CDH23: variants seen among roughly 807,000 people sequenced by gnomAD.
CDH23 encodes cadherin related 23, also known as cadherin-23.
A neutral mutation model predicts 317.1 loss-of-function variants in CDH23; 189 were observed. The observed-to-expected ratio is 0.60, with a 90% CI of 0.53 to 0.67. The LOEUF (loss-of-function observed/expected upper bound fraction) is 0.67. CDH23 is among the 30% of genes least tolerant of loss of function. The pLI is 0.00. For synonymous variants in CDH23, 1,839 were observed against 1,876.8 expected, an observed-to-expected ratio of 0.98 and a Z score of 0.52; for missense variants, 4,401 against 4,592.4, an observed-to-expected ratio of 0.96 and a Z score of 1.20.
chr10:71,699,928 C>G (rs773899991), intron 22 of CDH23, among the ~76,000 whole-genome samples: 4 of 152,182 alleles, frequency 2.6e-5, no homozygotes, highest in Non-Finnish European at 4.4e-5. Flanking sequence ...TACCCTGGCA[C>G]TCTCTGGCAT....
chr10:71,466,590 T>C (rs1161009064), intron 3 of CDH23, among the ~76,000 whole-genome samples: 1 of 152,186 alleles, frequency 6.6e-6, no homozygotes, highest in African/African-American at 2.4e-5. Context: ...GTGTCCATGC[T>C]CATGTGTATA....
rs1440321223 is a variant in CDH23, at chr10:71,446,363, C to T, written c.113C>T (p.Thr38Ile). The T allele has an allele frequency of 6.2e-7, 1 of 1,614,042 alleles. No homozygotes were observed. The highest frequency in any genetic ancestry group is 2.2e-5 in the East Asian group (1 of 44,886). The stretch of plus-strand genomic sequence containing the variant: ...TTCTTCACCAACCACTTCTTTGATA[C>T]ATACCTGCTGATCAGCGAGGACACG... ...LPFFTNHFFD[T>I]YLLISEDTPV... The change falls in exon 3 of 70, where the codon ACA becomes ATA. Residue 38 changes from threonine (T) to isoleucine (I), a missense_variant. By Grantham distance (89) the Thr-to-Ile change is moderately conservative (BLOSUM62 -1). This residue lies in a region of CDH23 where 3,068 missense variants were observed against 3,203.3 expected (regional missense o/e 0.96). Coordinates refer to ENST00000224721, the MANE Select transcript of CDH23 (RefSeq NM_022124.6).
chr10:71,536,559 T>C (rs1026989412), intron 6 of CDH23, among the ~76,000 whole-genome samples: 2 of 151,640 alleles, frequency 1.3e-5, no homozygotes, highest in African/African-American at 4.9e-5. Context: ...AGGAAATGAG[T>C]GGACAAGGCT....
intron 7 of CDH23, among the ~76,000 whole-genome samples, chr10:71,568,543 C>T (rs577720013): frequency 6.6e-6 from 1 of 152,314 alleles, no homozygotes; most frequent in South Asian, 2.1e-4. Flanking sequence ...TGCTGTTACT[C>T]TCCCAGTAAT....
intron 9 of CDH23, among the ~76,000 whole-genome samples, chr10:71,594,418 G>A (rs1035686298): frequency 6.6e-6 from 1 of 151,380 alleles, no homozygotes; most frequent in African/African-American, 2.4e-5. Flanking sequence ...TTATTGCCCA[G>A]GCTGGAGTGC....
intron 14 of CDH23, among the ~76,000 whole-genome samples, chr10:71,674,179 T>A (rs1426571051): frequency 6.6e-6 from 1 of 152,240 alleles, no homozygotes; most frequent in African/African-American, 2.4e-5. Flanking sequence ...ATTTCATTCA[T>A]TTGGGATAGA....
intron 17 of CDH23, among the ~76,000 whole-genome samples, chr10:71,681,950 T>A (rs1864670870): frequency 6.6e-6 from 1 of 152,134 alleles, no homozygotes; most frequent in Non-Finnish European, 1.5e-5. Context: ...AGAGGAGTAG[T>A]GACAGGGAGG....
chr10:71,652,763 G>A (rs1289259416), intron 14 of CDH23, among the ~76,000 whole-genome samples: 7 of 152,184 alleles, frequency 4.6e-5, no homozygotes, highest in East Asian at 3.8e-4. Flanking sequence ...CAGGGAGCAC[G>A]GGCCCTGGGC....
chr10:71,710,720 A>G (rs1036871878), intron 27 of CDH23, among the ~76,000 whole-genome samples: 1 of 152,242 alleles, frequency 6.6e-6, no homozygotes, highest in South Asian at 2.1e-4. Flanking sequence ...TACATGAAGA[A>G]GCAGGGAGGG....
intron 20 of CDH23, 81 bp from the exon 21 acceptor site, chr10:71,694,066 T>G: frequency 9.2e-7 from 1 of 1,092,344 alleles, no homozygotes; most frequent in South Asian, 1.3e-5. Flanking sequence ...CCTCTCTCCT[T>G]CCCTCGCTCT....
intron 6 of CDH23, among the ~76,000 whole-genome samples, chr10:71,563,124 C>G (rs1169822072): frequency 2.6e-5 from 4 of 152,094 alleles, no homozygotes; most frequent in African/African-American, 9.7e-5. Context: ...AAAGAGCACT[C>G]CGTATGAGTC....
intron 11 of CDH23, among the ~76,000 whole-genome samples, chr10:71,639,704 T>A (rs1862446384): frequency 6.6e-6 from 1 of 152,160 alleles, no homozygotes; most frequent in Non-Finnish European, 1.5e-5. Context: ...TGGGCCATCG[T>A]GTGGATTCTG....
intron 38 of CDH23, among the ~76,000 whole-genome samples, chr10:71,758,105 G>C (rs1230507504): frequency 6.6e-6 from 1 of 152,156 alleles, no homozygotes; most frequent in African/African-American, 2.4e-5. Context: ...GAGCCAAGGC[G>C]GGTAGATCAC....
intron 6 of CDH23, among the ~76,000 whole-genome samples, chr10:71,563,938 G>A (rs1251680402): frequency 1.3e-5 from 2 of 151,864 alleles, no homozygotes; most frequent in Admixed American, 6.6e-5. Flanking sequence ...TAGTAGAGAC[G>A]GGGTTTCACC....
chr10:71,654,461 C>T (rs1425340282), intron 14 of CDH23, among the ~76,000 whole-genome samples: 3 of 152,192 alleles, frequency 2.0e-5, no homozygotes, highest in East Asian at 1.9e-4. Flanking sequence ...TTCTTATTGC[C>T]GCATAAGAAA....
At chr10:71,453,922 T>C (rs1011973838) in intron 3 of CDH23, among the ~76,000 whole-genome samples, 1 of 152,138 alleles carries the variant, frequency 6.6e-6, no homozygotes, top group Non-Finnish European at 1.5e-5. Context: ...GCCTGATAGA[T>C]ATCAGCTCTA....
intron 25 of CDH23, among the ~76,000 whole-genome samples, chr10:71,706,251 G>A (rs1186535841): frequency 6.6e-6 from 1 of 152,206 alleles, no homozygotes; most frequent in Non-Finnish European, 1.5e-5. Flanking sequence ...GCAGAGCGGA[G>A]TAAACACATC....
At chr10:71,483,028 C>T (rs1001752717) in intron 3 of CDH23, among the ~76,000 whole-genome samples, 1 of 152,246 alleles carries the variant, frequency 6.6e-6, no homozygotes, top group Admixed American at 6.5e-5. Context: ...TCTTCAGCTG[C>T]AGTTTTGCAG....
rs1839416088 is a variant in CDH23, at chr10:71,732,258, T to C, written c.3987T>C (p.Gly1329=). The change falls in exon 32 of 70, where the codon GGT becomes GGC. Residue 1329 remains glycine (G), a synonymous_variant. Coordinates refer to ENST00000224721, the MANE Select transcript of CDH23 (RefSeq NM_022124.6). ...CCATCCTGGAGAATCTGGCACTGGG[T>C]ACTGAGATTGTGCGGGTCCAGGCCT... The part of the protein sequence containing the change: ...EAAILENLAL[G]TEIVRVQAYS... 7 of 1,613,692 alleles carry C rather than the reference T, an allele frequency of 4.3e-6. No individual in the cohort carries two copies. Among genetic ancestry groups the C allele is most frequent in the Non-Finnish European group, 5.9e-6 (7 of 1,179,742 alleles).
Sources: allele counts gnomAD v4.1 joint callset (sites outside exome capture counted in the v4.1 genomes callset), GRCh38; gene constraint gnomAD v4.1.1; regional missense constraint gnomAD v4.1.1; transcripts MANE v1.5; gene names NCBI Gene and HGNC (gene_info 2026-07-23, HGNC 2026-07-21).